The following SIPA1L2 variants were observed in gnomAD, a reference collection of about 807,000 sequenced individuals.
The protein encoded by SIPA1L2 is signal induced proliferation associated 1 like 2, also known as signal-induced proliferation-associated 1-like protein 2.
In SIPA1L2, 56 loss-of-function variants were observed where a neutral mutation model predicts 163.9. The ratio of observed to expected loss-of-function variants is 0.34; its 90% CI spans 0.28 to 0.43. The LOEUF (loss-of-function observed/expected upper bound fraction) is 0.43, where lower values mean the gene tolerates loss of function less well. Among genes scored for constraint, SIPA1L2 ranks in the 20% least tolerant of loss-of-function variants. SIPA1L2 has a pLI of 1.00. For missense variants in SIPA1L2, 1,974 were observed against 2,193.5 expected (o/e 0.90, Z 2.00); for synonymous variants, 877 against 865.7 (o/e 1.01, Z -0.23).
intron 14 of SIPA1L2, 101 bp from the exon 15 acceptor site, chr1:232,439,597 C>A: frequency 1.5e-6 from 2 of 1,357,716 alleles, no homozygotes; most frequent in Non-Finnish European, 2.0e-6. Context: ...CGCACCCAAG[C>A]CCTTTCTACT....
Position 232,479,770 on chromosome 1 carries a change from T to A in SIPA1L2, c.1982-40A>T, listed in dbSNP as rs944073727. The A allele has an allele frequency of 4.5e-6, 7 of 1,556,196 alleles. No individual in the cohort carries two copies. The African/African-American group carries it at 9.5e-5, about 21-fold the overall frequency. ...GAATTACAGAAGCAAGGTAAGCTGC[T>A]ACAAAATTAGTGCTTCGATATTTAA... On this transcript the variant is annotated intron_variant, in intron 6 of 22. Transcript: ENST00000674635.
At chr1:232,496,168 A>G (rs1390769655) in intron 3 of SIPA1L2, among the ~76,000 whole-genome samples, 7 of 152,170 alleles carry the variant, frequency 4.6e-5, no homozygotes, top group Non-Finnish European at 1.0e-4. Context: ...AGTGCCCTAT[A>G]CAGGTGTACC....
chr1:232,607,664 G>GAGA (rs1661999436), intron 1 of SIPA1L2, among the ~76,000 whole-genome samples: 1 of 151,664 alleles, frequency 6.6e-6, no homozygotes, highest in Non-Finnish European at 1.5e-5. Flanking sequence ...TGCCATGGAA[G>GAGA]AGAAGGGCTG....
chr1:232,434,909 T>C (rs181461411), intron 15 of SIPA1L2, among the ~76,000 whole-genome samples: 3 of 152,308 alleles, frequency 2.0e-5, no homozygotes. Flanking sequence ...CCCCAGTAGT[T>C]AACCAAGTGA....
chr1:232,528,673 C>T (rs904213835), intron 2 of SIPA1L2, among the ~76,000 whole-genome samples: 2 of 152,174 alleles, frequency 1.3e-5, no homozygotes, highest in South Asian at 4.1e-4. Flanking sequence ...GACCCATGCA[C>T]AGACCTGGCT....
chr1:232,411,401 C>T (rs960214348), intron 19 of SIPA1L2, among the ~76,000 whole-genome samples: 3 of 152,168 alleles, frequency 2.0e-5, no homozygotes, highest in Non-Finnish European at 2.9e-5. Context: ...AGGGAGATGG[C>T]ACAGTTCTGC....
intron 3 of SIPA1L2, among the ~76,000 whole-genome samples, chr1:232,494,937 C>T (rs1470440571): frequency 1.3e-5 from 2 of 152,060 alleles, no homozygotes; most frequent in Non-Finnish European, 2.9e-5. Flanking sequence ...AAGGTTTTGG[C>T]TACAAAGAAA....
chr1:232,467,092 G>C (rs951615237), intron 8 of SIPA1L2, among the ~76,000 whole-genome samples: 1 of 152,184 alleles, frequency 6.6e-6, no homozygotes, highest in East Asian at 1.9e-4. Flanking sequence ...AAATGTGGTT[G>C]GTTAGACTTT....
intron 2 of SIPA1L2, among the ~76,000 whole-genome samples, chr1:232,557,047 A>G (rs566201599): frequency 2.0e-5 from 3 of 152,290 alleles, no homozygotes; most frequent in Admixed American, 6.5e-5. Context: ...TGAGCAAAAG[A>G]GGATTAACAA....
chr1:232,532,334 A>G (rs953564213), intron 2 of SIPA1L2, among the ~76,000 whole-genome samples: 1 of 152,214 alleles, frequency 6.6e-6, no homozygotes, highest in African/African-American at 2.4e-5. Flanking sequence ...TTATTAAGAT[A>G]GAGAAGATTG....
intron 6 of SIPA1L2, among the ~76,000 whole-genome samples, chr1:232,481,114 C>T (rs371939532): frequency 3.3e-5 from 5 of 151,798 alleles, no homozygotes; most frequent in African/African-American, 7.3e-5. Context: ...AAATCAGCCC[C>T]GCCAAAAAAA....
chr1:232,543,413 C>G (rs1657815475), intron 2 of SIPA1L2, among the ~76,000 whole-genome samples: 1 of 152,324 alleles, frequency 6.6e-6, no homozygotes, highest in South Asian at 2.1e-4. Flanking sequence ...CCTTCCACCT[C>G]CTCCACCTTT....
intron 15 of SIPA1L2, among the ~76,000 whole-genome samples, chr1:232,435,369 C>T (rs1487092554): frequency 2.6e-5 from 4 of 152,138 alleles, no homozygotes; most frequent in Non-Finnish European, 4.4e-5. Flanking sequence ...TGTACAGAAT[C>T]CATTTGATGA....
chr1:232,478,220 G>C (rs1665144601), intron 7 of SIPA1L2, among the ~76,000 whole-genome samples: 2 of 152,182 alleles, frequency 1.3e-5, no homozygotes, highest in African/African-American at 4.8e-5. Context: ...ACACAGATGT[G>C]TAATACAGAG....
In SIPA1L2 at chr1:232,398,491, T is replaced by C. The variant is rs1332563107; in HGVS notation, c.*636A>G. 6.6e-6 allele frequency: 1 copy of C among 152,616 alleles called. No homozygotes were observed. Among genetic ancestry groups the C allele is most frequent in the Non-Finnish European group, 1.5e-5 (1 of 68,054 alleles). The allele number at this position is 152,616 out of a possible 1,614,324, so 9.5% of individuals were successfully genotyped here. A position where few individuals can be genotyped will look rare whatever the true frequency, so the allele number is the denominator to read the frequency against. On this transcript the variant is annotated 3_prime_UTR_variant, in exon 23 of 23. Transcript: ENST00000674635. ...GAACACTGTTAATATTCAGGCACCA[T>C]TTGTTCCTGCAAATAAATAAGTCTC... is the stretch of plus-strand genomic sequence containing the variant.
intron 10 of SIPA1L2, among the ~76,000 whole-genome samples, chr1:232,459,550 C>G (rs568424633): frequency 6.6e-6 from 1 of 152,082 alleles, no homozygotes; most frequent in Admixed American, 6.6e-5. Flanking sequence ...TCTCACTCTG[C>G]CACCCATGCT....
At chr1:232,567,980 G>C (rs1417815213) in intron 2 of SIPA1L2, among the ~76,000 whole-genome samples, 2 of 152,224 alleles carry the variant, frequency 1.3e-5, no homozygotes, top group African/African-American at 4.8e-5. Flanking sequence ...CCAGACAGCT[G>C]AACACATGAA....
rs750582847 is a variant in SIPA1L2, at chr1:232,504,213, T to TAAC, written c.1483+9641_1483+9643dup. ...TGAGACTCCATCTCAAAACAAAAAATAACAACAACAACAACAACAAAAAAC... is the reference window on the plus strand; with the variant it reads ...TGAGACTCCATCTCAAAACAAAAAATAACAACAACAACAACAACAACAAAAAAC... On this transcript the variant is annotated intron_variant, in intron 3 of 22. Transcript: ENST00000674635. Among the ~76,000 whole-genome samples the TAAC allele has an allele frequency of 2.7e-4, 39 of 142,482 alleles. 1 individual carries two copies. The highest frequency in any genetic ancestry group is 1.7e-3 in the East Asian group (8 of 4,756). 93.5% of individuals were successfully genotyped at this position (142,482 alleles called of 152,430 possible).
chr1:232,464,024 A>ATC, intron 9 of SIPA1L2, among the ~76,000 whole-genome samples: 2 of 152,322 alleles, frequency 1.3e-5, no homozygotes, highest in Middle Eastern at 3.4e-3. Context: ...CATGATCCAT[A>ATC]GTGAACTAAA....
Sources: gnomAD v4.1 joint callset for allele counts (sites outside exome capture counted in the v4.1 genomes callset) on GRCh38, gnomAD v4.1.1 for gene constraint, MANE v1.5 for transcripts, NCBI Gene and HGNC (gene_info 2026-07-23, HGNC 2026-07-21) for gene names.